Variants in EYS observed in about 807,000 individuals in gnomAD.
EYS encodes EGF-like photoreceptor maintenance factor, also known as protein eyes shut homolog.
In EYS, 250 loss-of-function variants were observed where a neutral mutation model predicts 282.1. The ratio of observed to expected loss-of-function variants is 0.89; its 90% CI spans 0.80 to 0.98. The LOEUF (loss-of-function observed/expected upper bound fraction) is 0.98. EYS is among the 50% of genes least tolerant of loss of function. The pLI, the probability that EYS is intolerant of heterozygous loss-of-function variation, is 0.00. For missense variants in EYS, 4,016 were observed against 3,709.0 expected, an observed-to-expected ratio of 1.08 and a Z score of -2.15; for synonymous variants, 1,355 against 1,282.9, an observed-to-expected ratio of 1.06 and a Z score of -1.20.
chr6:63,916,662 A>C (rs1471516100), intron 35 of EYS, among the ~76,000 whole-genome samples: 1 of 152,134 alleles, frequency 6.6e-6, no homozygotes, highest in African/African-American at 2.4e-5. Flanking sequence ...ACTTTCTCCC[A>C]TTCTGTGGGT....
At chr6:64,908,833 G>A (rs1222444442) in intron 16 of EYS, among the ~76,000 whole-genome samples, 3 of 152,042 alleles carry the variant, frequency 2.0e-5, no homozygotes, top group African/African-American at 7.2e-5. Context: ...CAACAGTGTG[G>A]AAAACCAATT....
At chr6:65,600,293 G>A (rs1765571237) in intron 2 of EYS, among the ~76,000 whole-genome samples, 1 of 151,996 alleles carries the variant, frequency 6.6e-6, no homozygotes. Context: ...GCATTGCTAA[G>A]TAATTATAGC....
rs962343688 is a variant in EYS at position 65,395,832 on chromosome 6, T to G, written c.1184+6646A>C. ...CTTCTAACTCTACTGAAATATACAA[T>G]ATTATAACCCTTTGAACACCCCCCA... On this transcript the variant is annotated intron_variant, in intron 7 of 42. Coordinates refer to ENST00000503581, the MANE Select transcript of EYS (RefSeq NM_001142800.2). Among the ~76,000 whole-genome samples the G allele has an allele frequency of 4.0e-5, 6 of 151,696 alleles. No homozygotes were observed. The South Asian group carries it at 6.2e-4, about 16-fold the overall frequency.
At chr6:64,988,178 G>A (rs778230944) in intron 14 of EYS, among the ~76,000 whole-genome samples, 1 of 151,326 alleles carries the variant, frequency 6.6e-6, no homozygotes, top group African/African-American at 2.4e-5. Context: ...GACCTAAAAG[G>A]CTGTGCCACT....
intron 31 of EYS, among the ~76,000 whole-genome samples, chr6:64,189,589 T>A (rs1037507036): frequency 6.6e-6 from 1 of 152,162 alleles, no homozygotes; most frequent in Non-Finnish European, 1.5e-5. Flanking sequence ...TAGATATGGT[T>A]AACATCTGCA....
chr6:64,121,074 C>T (rs954926414), intron 31 of EYS, among the ~76,000 whole-genome samples: 1 of 152,170 alleles, frequency 6.6e-6, no homozygotes, highest in Non-Finnish European at 1.5e-5. Context: ...ATGTGCCCCC[C>T]TCCCCCATAG....
intron 12 of EYS, among the ~76,000 whole-genome samples, chr6:65,216,353 T>A (rs1057108789): frequency 2.6e-5 from 4 of 152,068 alleles, no homozygotes; most frequent in Non-Finnish European, 5.9e-5. Context: ...ATATATAAGT[T>A]ATTTATAGTG....
At position 65,165,156 on chromosome 6, in the gene EYS, G is replaced by C. The variant is rs116002990; in HGVS notation, c.2024-107429C>G. Reference sequence around the variant, plus strand: ...TTTTTTTCTAACACAGTTCATGCAAGTATGTCAAAATACCATAACTCCATT... The same window carrying C: ...TTTTTTTCTAACACAGTTCATGCAACTATGTCAAAATACCATAACTCCATT... On this transcript the variant is annotated intron_variant, in intron 12 of 42. Transcript: ENST00000503581. 8.0e-3 allele frequency among the ~76,000 whole-genome samples: 1,205 copies of C among 151,198 alleles called. 9 individuals are homozygous for C. Among genetic ancestry groups the C allele is most frequent in the African/African-American group, 0.026 (1,089 of 41,392 alleles).
intron 8 of EYS, among the ~76,000 whole-genome samples, chr6:65,361,328 C>T (rs901020604): frequency 6.7e-6 from 1 of 149,416 alleles, no homozygotes; most frequent in Admixed American, 6.7e-5. Context: ...CTAACCTGCA[C>T]GTTGTGAACA....
chr6:64,148,824 C>T (rs886862867), intron 31 of EYS, among the ~76,000 whole-genome samples: 4 of 151,970 alleles, frequency 2.6e-5, no homozygotes, highest in African/African-American at 9.7e-5. Flanking sequence ...CTATGAACTT[C>T]CCAACCATAG....
chr6:63,990,482 A>T (rs1431574918), intron 34 of EYS, among the ~76,000 whole-genome samples: 1 of 151,710 alleles, frequency 6.6e-6, no homozygotes, highest in East Asian at 1.9e-4. Context: ...AAACTAAAAC[A>T]TGTCCAGCAT....
chr6:63,907,512 T>C (rs1773806128), intron 35 of EYS, among the ~76,000 whole-genome samples: 1 of 152,222 alleles, frequency 6.6e-6, no homozygotes, highest in Non-Finnish European at 1.5e-5. Flanking sequence ...AGTAATAACA[T>C]GGTCTCTAAG....
Position 65,281,582 on chromosome 6 carries a change from A to G in EYS, c.2023+14281T>C, listed in dbSNP as rs191483690. 2.4e-3 allele frequency among the ~76,000 whole-genome samples: 364 copies of G among 152,336 alleles called. 3 individuals carry two copies. The highest frequency in any genetic ancestry group is 7.6e-3 in the African/African-American group (317 of 41,594). ...CACTTTTGAAAGATCACATAAATGTACATTTGAACGTGTAATCATTCTTGC... is the reference window on the plus strand; with the variant it reads ...CACTTTTGAAAGATCACATAAATGTGCATTTGAACGTGTAATCATTCTTGC... On this transcript the variant is annotated intron_variant, in intron 12 of 42. Coordinates refer to ENST00000503581, the MANE Select transcript of EYS (RefSeq NM_001142800.2).
At chr6:65,180,080 C>T (rs1357938636) in intron 12 of EYS, among the ~76,000 whole-genome samples, 2 of 151,240 alleles carry the variant, frequency 1.3e-5, no homozygotes, top group Non-Finnish European at 3.0e-5. Context: ...CTATCTACGA[C>T]AAACCCACAG....
chr6:64,392,934 G>T (rs1214280806), intron 28 of EYS, among the ~76,000 whole-genome samples: 5 of 151,968 alleles, frequency 3.3e-5, no homozygotes, highest in East Asian at 1.9e-4. Context: ...AATAAAAAAT[G>T]ATAAAGGGGA....
At chr6:64,179,395 C>T (rs1041744155) in intron 31 of EYS, among the ~76,000 whole-genome samples, 3 of 151,976 alleles carry the variant, frequency 2.0e-5, no homozygotes, top group Non-Finnish European at 4.4e-5. Context: ...ACAGTATAAA[C>T]CACCAAAGTA....
chr6:63,755,799 CTT>C (rs1769465070), intron 41 of EYS, among the ~76,000 whole-genome samples: 1 of 152,104 alleles, frequency 6.6e-6, no homozygotes, highest in Admixed American at 6.6e-5. Context: ...TGTGTCCTCT[CTT>C]ATTTCCTTGA....
At chr6:63,949,298 ACTATC>A (rs1210896426) in intron 35 of EYS, among the ~76,000 whole-genome samples, 4 of 152,050 alleles carry the variant, frequency 2.6e-5, no homozygotes, top group Non-Finnish European at 5.9e-5. Flanking sequence ...CAACACTTAC[ACTATC>A]CTACAAGTGT....
At chr6:64,073,799 A>G (rs1771674063) in intron 32 of EYS, among the ~76,000 whole-genome samples, 1 of 151,430 alleles carries the variant, frequency 6.6e-6, no homozygotes, top group African/African-American at 2.4e-5. Context: ...TATGTTTGCA[A>G]ATATATATAG....
Sources: allele counts gnomAD v4.1 joint callset (sites outside exome capture counted in the v4.1 genomes callset), GRCh38; gene constraint gnomAD v4.1.1; transcripts MANE v1.5; gene names NCBI Gene and HGNC (gene_info 2026-07-23, HGNC 2026-07-21).